DYNC2H1: variants seen among roughly 807,000 people sequenced by gnomAD.
DYNC2H1 encodes the protein cytoplasmic dynein 2 heavy chain 1.
Under a neutral mutation model 570.0 loss-of-function variants are expected in DYNC2H1, and 410 were observed. The ratio of observed to expected loss-of-function variants is 0.72; its 90% CI spans 0.66 to 0.78. The LOEUF (loss-of-function observed/expected upper bound fraction) is 0.78, where lower values mean the gene tolerates loss of function less well. Ranked by LOEUF, DYNC2H1 falls within the 30% of genes least tolerant of loss-of-function variation. The pLI, the probability that DYNC2H1 is intolerant of heterozygous loss-of-function variation, is 0.00. For missense variants in DYNC2H1, 4,865 were observed against 5,046.4 expected (o/e 0.96, Z 1.09); for synonymous variants, 1,688 against 1,677.6 (o/e 1.01, Z -0.15).
rs1447940062 is a variant in DYNC2H1 at position 103,199,205 on chromosome 11, A to G, written c.7840-23A>G. On this transcript the variant is annotated intron_variant, in intron 48 of 88. Coordinates refer to ENST00000375735, the MANE Select transcript of DYNC2H1 (RefSeq NM_001377.3). This position sits in a 1 kb window ranked among gnomAD's most constrained non-coding sequence, Gnocchi z 4.6. ...GTAATTAGGGCTTATATTAATTATAAAATATTCTGATTTTTTTAAAAGGGT... is the reference window on the plus strand; with the variant it reads ...GTAATTAGGGCTTATATTAATTATAGAATATTCTGATTTTTTTAAAAGGGT... 7.0e-7 allele frequency: 1 copy of G among 1,433,980 alleles called. No individual in the cohort carries two copies. The highest frequency in any genetic ancestry group is 1.4e-5 in the South Asian group (1 of 69,264). 88.8% of individuals were successfully genotyped at this position (1,433,980 alleles called of 1,614,324 possible).
At chr11:103,413,965 C>T (rs1204508657) in intron 84 of DYNC2H1, among the ~76,000 whole-genome samples, 1 of 152,024 alleles carries the variant, frequency 6.6e-6, no homozygotes, top group Admixed American at 6.6e-5. Context: ...CAAATAAAAA[C>T]AGAAGTACAT....
intron 5 of DYNC2H1, among the ~76,000 whole-genome samples, chr11:103,117,269 TA>T (rs555628134): frequency 6.1e-5 from 9 of 147,280 alleles, no homozygotes; most frequent in African/African-American, 2.0e-4. Context: ...TATATATATA[TA>T]TTTTTTAATA....
At chr11:103,339,477 G>C (rs1939330670) in intron 82 of DYNC2H1, among the ~76,000 whole-genome samples, 1 of 152,214 alleles carries the variant, frequency 6.6e-6, no homozygotes, top group South Asian at 2.1e-4. Context: ...CAAGAGCAAA[G>C]ACCTGCAACT....
chr11:103,121,256 G>T lies in DYNC2H1; in HGVS notation c.1361-116G>T, dbSNP rs1042067139. On this transcript the variant is annotated intron_variant, in intron 9 of 88. Transcript: ENST00000375735. ...TACATGGTACAGTCCTTGGGGATAA[G>T]GACCAACTCATTATTTTTCTTTCTA... The T allele has an allele frequency of 1.8e-5, 23 of 1,244,230 alleles. No individual in the cohort carries two copies. The African/African-American group carries it at 3.4e-4, about 18-fold the overall frequency. The allele number at this position is 1,244,230 out of a possible 1,614,324, so 77.1% of individuals were successfully genotyped here. A position where few individuals can be genotyped will look rare whatever the true frequency, so the allele number is the denominator to read the frequency against.
intron 54 of DYNC2H1, among the ~76,000 whole-genome samples, chr11:103,213,650 TC>T (rs1863250930): frequency 3.3e-5 from 5 of 151,860 alleles, no homozygotes; most frequent in Non-Finnish European, 7.4e-5. Flanking sequence ...TCTATTCAGA[TC>T]CTTTGCCTGC....
chr11:103,135,447 A>T (rs1859486125), intron 15 of DYNC2H1, 48 bp from the exon 16 acceptor site: 1 of 1,406,116 alleles, frequency 7.1e-7, no homozygotes, highest in Non-Finnish European at 9.3e-7. Context: ...TGAAAAATCC[A>T]TTCTACTGCC....
chr11:103,145,464 G>A lies in DYNC2H1; in HGVS notation c.2702+2069G>A, dbSNP rs11225569. Among the ~76,000 whole-genome samples, 7,200 of 152,070 alleles carry A rather than the reference G, an allele frequency of 0.047. 237 individuals carry two copies. The highest frequency in any genetic ancestry group is 0.068 in the Non-Finnish European group (4,622 of 67,966). On this transcript the variant is annotated intron_variant, in intron 18 of 88. Transcript: ENST00000375735. The surrounding 1 kb of genome is among the most constrained non-coding windows in gnomAD (Gnocchi z 4.2). ...TGCCCATCTTCTTTGACTTAATGCT[G>A]TCACCTGACTGCCTAAGAACCTCTA...
In DYNC2H1 at chr11:103,303,204, A is replaced by G. The variant is rs769350427; in HGVS notation, c.11207A>G (p.Glu3736Gly). 6.2e-7 allele frequency: 1 copy of G among 1,612,830 alleles called. No individual in the cohort carries two copies. Among genetic ancestry groups the G allele is most frequent in the South Asian group, 1.1e-5 (1 of 90,980 alleles). The change falls in exon 76 of 89, where the codon GAA becomes GGA. Residue 3736 changes from glutamate (E) to glycine (G), a missense_variant. Physicochemically the swap from Glu to Gly is moderately conservative, Grantham distance 98. Transcript: ENST00000375735. Reference protein sequence around the residue: ...IISPGADPSQELQELANAERS... With the variant: ...IISPGADPSQGLQELANAERS... ...TCTCCGGGTGCTGATCCTTCTCAGG[A>G]ACTTCAAGAACTAGCTAATGCTGAA... is the stretch of plus-strand genomic sequence containing the variant.
intron 83 of DYNC2H1, among the ~76,000 whole-genome samples, chr11:103,375,762 T>A (rs1941366336): frequency 6.6e-6 from 1 of 152,194 alleles, no homozygotes; most frequent in Non-Finnish European, 1.5e-5. Context: ...ACTAACTTGC[T>A]TTTGGTTTTA....
intron 74 of DYNC2H1, 120 bp from the exon 75 acceptor site, chr11:103,287,413 C>A: frequency 1.3e-6 from 1 of 778,486 alleles, no homozygotes; most frequent in Non-Finnish European, 2.0e-6. Context: ...TAATATGGAA[C>A]AATGATAAGT....
chr11:103,317,423 C>A (rs1424516771), intron 80 of DYNC2H1, among the ~76,000 whole-genome samples: 1 of 151,870 alleles, frequency 6.6e-6, no homozygotes, highest in African/African-American at 2.4e-5. Flanking sequence ...CTATCCTTTG[C>A]AAATCACATC....
chr11:103,172,499 T>C (rs563606333), intron 34 of DYNC2H1, among the ~76,000 whole-genome samples: 2 of 152,122 alleles, frequency 1.3e-5, no homozygotes, highest in Non-Finnish European at 2.9e-5. Context: ...TCTTGGTTTT[T>C]CTACTCTAGA....
chr11:103,401,491 C>T (rs1385573205), intron 84 of DYNC2H1, among the ~76,000 whole-genome samples: 2 of 152,006 alleles, frequency 1.3e-5, no homozygotes, highest in Non-Finnish European at 2.9e-5. Flanking sequence ...AAGAAAGGAA[C>T]TTGGATTAAA....
chr11:103,179,648 A>G (rs1443259761), intron 39 of DYNC2H1, among the ~76,000 whole-genome samples: 2 of 151,784 alleles, frequency 1.3e-5, no homozygotes, highest in South Asian at 2.1e-4. Flanking sequence ...TTTTAGATTC[A>G]CAGAATTTTA....
At chr11:103,360,312 G>C (rs1940577184) in intron 83 of DYNC2H1, among the ~76,000 whole-genome samples, 2 of 152,080 alleles carry the variant, frequency 1.3e-5, no homozygotes, top group Non-Finnish European at 2.9e-5. Context: ...TCCAGAGCCA[G>C]ACCGGTGGGG....
chr11:103,443,594 G>A (rs117465487), intron 85 of DYNC2H1, among the ~76,000 whole-genome samples: 2 of 151,520 alleles, frequency 1.3e-5, no homozygotes, highest in East Asian at 3.9e-4. Flanking sequence ...AGCTTAGCAA[G>A]CCTCAGAACT....
At chr11:103,142,150 C>T (rs1437810361) in intron 17 of DYNC2H1, among the ~76,000 whole-genome samples, 2 of 152,368 alleles carry the variant, frequency 1.3e-5, no homozygotes, top group East Asian at 3.9e-4. Context: ...TCCCTGACTC[C>T]TTGCACTTCG....
At chr11:103,166,681 A>G (rs1032662961) in intron 31 of DYNC2H1, among the ~76,000 whole-genome samples, 2 of 152,248 alleles carry the variant, frequency 1.3e-5, no homozygotes, top group East Asian at 3.9e-4. Flanking sequence ...TGAGGAATCC[A>G]CAGTCATTTG....
chr11:103,472,850 C>A lies in DYNC2H1; in HGVS notation c.12765+4145C>A, dbSNP rs557749692. ...TTTTTACACCAGAAGGAGGTTATTT[C>A]ACAAATTATTTTCACAATATTATCT... On this transcript the variant is annotated intron_variant, in intron 88 of 88. Coordinates refer to ENST00000375735, the MANE Select transcript of DYNC2H1 (RefSeq NM_001377.3). The surrounding 1 kb of genome is among the most constrained non-coding windows in gnomAD (Gnocchi z 4.1). Among the ~76,000 whole-genome samples the A allele has an allele frequency of 2.6e-5, 4 of 151,946 alleles. No homozygotes were observed. The highest frequency in any genetic ancestry group is 5.9e-5 in the Non-Finnish European group (4 of 67,984).
Sources: allele counts gnomAD v4.1 joint callset (sites outside exome capture counted in the v4.1 genomes callset), GRCh38; gene constraint gnomAD v4.1.1; non-coding constraint Gnocchi (gnomAD v3.1); transcripts MANE v1.5; gene names NCBI Gene and HGNC (gene_info 2026-07-23, HGNC 2026-07-21).